Variants in TENM1 observed in about 807,000 individuals in gnomAD.
TENM1 encodes the protein teneurin transmembrane protein 1.
Under a neutral mutation model 174.8 loss-of-function variants are expected in TENM1, and 35 were observed. The ratio of observed to expected loss-of-function variants is 0.20; its 90% confidence interval spans 0.15 to 0.27. The LOEUF is 0.27. TENM1 is among the 10% of genes least tolerant of loss of function. The probability of loss-of-function intolerance (pLI) is 1.00; values close to 1 mark genes in which losing one functional copy is unlikely to be tolerated. For synonymous variants in TENM1, 781 were observed against 798.7 expected, an observed-to-expected ratio of 0.98 and a Z score of 0.37; for missense variants, 1,633 against 2,130.1, an observed-to-expected ratio of 0.77 and a Z score of 4.59.
chrX:124,702,569 G>C (rs2052801346), intron 5 of TENM1, among the ~76,000 whole-genome samples: 1 of 112,303 alleles, frequency 8.9e-6, no homozygotes, highest in South Asian at 3.7e-4. Flanking sequence ...AATTGAATTT[G>C]TAATTTAATA....
intron 3 of TENM1, among the ~76,000 whole-genome samples, chrX:124,783,897 C>T (rs1482167108): frequency 3.6e-5 from 4 of 111,408 alleles, no homozygotes; most frequent in South Asian, 3.7e-4. Context: ...AGAGAGAATG[C>T]ACCCCATATT....
At chrX:124,611,870 G>A (rs1414643180) in intron 11 of TENM1, among the ~76,000 whole-genome samples, 3 of 111,892 alleles carry the variant, frequency 2.7e-5, no homozygotes, top group Non-Finnish European at 5.6e-5. Flanking sequence ...TTCTAAAGGA[G>A]GCACACAGTT....
At chrX:124,548,238 T>C (rs780289391) in intron 14 of TENM1, among the ~76,000 whole-genome samples, 38 of 112,084 alleles carry the variant, frequency 3.4e-4, no homozygotes, top group African/African-American at 8.8e-4. Flanking sequence ...TCCACTGTTG[T>C]ACCACAAATA....
At chrX:124,496,654 C>T (rs1233767575) in intron 20 of TENM1, among the ~76,000 whole-genome samples, 1 of 111,430 alleles carries the variant, frequency 9.0e-6, no homozygotes, top group African/African-American at 3.3e-5. Flanking sequence ...CTGACAATAC[C>T]TCTCCCAACT....
intron 3 of TENM1, among the ~76,000 whole-genome samples, chrX:124,872,027 T>C (rs1179020484): frequency 2.6e-5 from 2 of 77,687 alleles, no homozygotes; most frequent in Non-Finnish European, 4.6e-5. Flanking sequence ...CGAGACTCTG[T>C]CTCAAAAAAA....
rs1418347954 is a variant in TENM1, at chrX:124,766,877, C to CACAGATCTAA, written c.536-29690_536-29681dup. On this transcript the variant is annotated intron_variant, in intron 3 of 31. Coordinates refer to ENST00000422452, the Ensembl canonical transcript of TENM1. ...TGACTATAGATAATACCCTGGTATT[C>CACAGATCTAA]ACAGATCTAATTCTTATTAAATTAG... 2.7e-5 allele frequency among the ~76,000 whole-genome samples: 3 copies of CACAGATCTAA among 111,523 alleles called. No homozygotes were observed. In the East Asian group the frequency reaches 8.3e-4, roughly 31 times the overall value.
chrX:125,178,390 CT>C, the TENM1 span, among the ~76,000 whole-genome samples: 1 of 111,510 alleles, frequency 9.0e-6, no homozygotes, highest in African/African-American at 3.3e-5. Flanking sequence ...TTAGTATTCA[CT>C]TCTACTGCTC....
chrX:124,831,983 G>A (rs182894187), intron 3 of TENM1, among the ~76,000 whole-genome samples: 8 of 111,399 alleles, frequency 7.2e-5, no homozygotes, highest in South Asian at 3.9e-4. Context: ...GGGCTTTGCC[G>A]AGACACTAAA....
intron 11 of TENM1, among the ~76,000 whole-genome samples, chrX:124,630,894 C>A (rs182194252): frequency 3.6e-5 from 4 of 111,926 alleles, no homozygotes; most frequent in Non-Finnish European, 7.5e-5. Flanking sequence ...GTTTAGGGTT[C>A]GTATTTGTAC....
chrX:124,758,532 A>G (rs943478062), intron 3 of TENM1, among the ~76,000 whole-genome samples: 5 of 111,885 alleles, frequency 4.5e-5, no homozygotes, highest in African/African-American at 1.6e-4. Flanking sequence ...AACCCTATTA[A>G]AGAGAATATA....
At chrX:124,948,301 T>C (rs2058432223) in intron 1 of TENM1, among the ~76,000 whole-genome samples, 1 of 111,617 alleles carries the variant, frequency 9.0e-6, no homozygotes. Flanking sequence ...ACTCCATTTA[T>C]GGGGTCAATG....
chrX:124,568,975 G>A (rs1235903981), intron 11 of TENM1, among the ~76,000 whole-genome samples: 2 of 111,543 alleles, frequency 1.8e-5, no homozygotes, highest in Non-Finnish European at 3.8e-5. Context: ...AGGGTGAGGT[G>A]GGCAGGTCAC....
At chrX:124,600,094 G>A (rs981184009) in intron 11 of TENM1, among the ~76,000 whole-genome samples, 1 of 109,754 alleles carries the variant, frequency 9.1e-6, no homozygotes, top group East Asian at 2.8e-4. Flanking sequence ...CACCATGAGG[G>A]CCTGGGAATA....
At chrX:124,492,958 A>G (rs781446826) in intron 20 of TENM1, among the ~76,000 whole-genome samples, 4 of 110,811 alleles carry the variant, frequency 3.6e-5, no homozygotes, top group Non-Finnish European at 7.6e-5. Context: ...AATAAAAAAA[A>G]AGTTAAGAAG....
At chrX:124,767,381 T>C (rs2054559098) in intron 3 of TENM1, among the ~76,000 whole-genome samples, 1 of 111,839 alleles carries the variant, frequency 8.9e-6, no homozygotes, top group African/African-American at 3.2e-5. Context: ...GGTCTATTTA[T>C]TATTCATTTT....
At chrX:124,715,552 G>T (rs745851411) in intron 4 of TENM1, among the ~76,000 whole-genome samples, 2 of 111,016 alleles carry the variant, frequency 1.8e-5, no homozygotes, top group South Asian at 7.6e-4. Flanking sequence ...TATACAGGAG[G>T]GGGTAGTGGG....
chrX:124,466,856 A>C (rs930080196), intron 22 of TENM1, among the ~76,000 whole-genome samples: 4 of 111,808 alleles, frequency 3.6e-5, no homozygotes, highest in Admixed American at 2.9e-4. Flanking sequence ...GAGAACACAG[A>C]GAAAGGATTA....
exon 30 of TENM1, chrX:124,383,695 G>A: frequency 2.5e-6 from 3 of 1,209,023 alleles, no homozygotes; most frequent in Non-Finnish European, 3.4e-6. Context: ...CAAAGGAGTA[G>A]AGGTTGAATG....
At chrX:125,117,499 A>G in the TENM1 span, among the ~76,000 whole-genome samples, 3 of 111,285 alleles carry the variant, frequency 2.7e-5, no homozygotes, top group African/African-American at 9.8e-5. Flanking sequence ...GGAATTGAAC[A>G]ATGAGAACAC....
Sources: allele counts gnomAD v4.1 joint callset (sites outside exome capture counted in the v4.1 genomes callset), GRCh38; gene constraint gnomAD v4.1.1; transcripts MANE v1.5; gene names NCBI Gene and HGNC (gene_info 2026-07-23, HGNC 2026-07-21).